Variants in CDH4 observed in about 807,000 individuals in gnomAD.
The protein encoded by CDH4 is cadherin-4.
In CDH4, 33 loss-of-function variants were observed where a neutral mutation model predicts 86.0. The observed-to-expected ratio is 0.38, with a 90% CI of 0.29 to 0.51. The LOEUF (loss-of-function observed/expected upper bound fraction) is 0.51. CDH4 is among the 20% of genes least tolerant of loss of function. CDH4 has a pLI of 0.86. For missense variants in CDH4, 1,114 were observed against 1,307.4 expected, an observed-to-expected ratio of 0.85 and a Z score of 2.28; for synonymous variants, 555 against 549.4, an observed-to-expected ratio of 1.01 and a Z score of -0.14.
chr20:61,730,484 T>C (rs909796421), intron 2 of CDH4, among the ~76,000 whole-genome samples: 2 of 152,204 alleles, frequency 1.3e-5, no homozygotes, highest in African/African-American at 4.8e-5. Flanking sequence ...GCCTGATAGC[T>C]CATTGGATAT....
intron 8 of CDH4, among the ~76,000 whole-genome samples, chr20:61,895,796 A>G (rs11905227): frequency 0.015 from 2,347 of 152,276 alleles, 66 homozygotes; most frequent in African/African-American, 0.053. Flanking sequence ...CTTACCAACC[A>G]GGACCCTTTG....
intron 6 of CDH4, among the ~76,000 whole-genome samples, chr20:61,859,944 C>T (rs373074039): frequency 9.5e-4 from 144 of 152,378 alleles, no homozygotes; most frequent in African/African-American, 3.3e-3. Context: ...ATGCTGTCCA[C>T]GGCACTGCCG....
At chr20:61,713,149 C>T (rs2145901173) in intron 2 of CDH4, among the ~76,000 whole-genome samples, 1 of 152,190 alleles carries the variant, frequency 6.6e-6, no homozygotes, top group East Asian at 1.9e-4. Context: ...GCAAAATATG[C>T]AAAAATAAGT....
intron 4 of CDH4, among the ~76,000 whole-genome samples, chr20:61,777,574 T>C (rs973001293): frequency 2.6e-5 from 4 of 152,260 alleles, no homozygotes; most frequent in African/African-American, 9.6e-5. Flanking sequence ...CAAGTCATTA[T>C]GTAAGAACTC....
intron 2 of CDH4, among the ~76,000 whole-genome samples, chr20:61,412,752 C>T (rs2085125875): frequency 6.6e-6 from 1 of 152,170 alleles, no homozygotes; most frequent in Non-Finnish European, 1.5e-5. Context: ...TCTCTCCGGC[C>T]TCATGGACAT....
intron 2 of CDH4, among the ~76,000 whole-genome samples, chr20:61,693,509 G>T (rs115397763): frequency 7.7e-4 from 117 of 152,370 alleles, no homozygotes; most frequent in African/African-American, 2.7e-3. Flanking sequence ...CACTGGTCAT[G>T]CTTGGCCTCT....
Position 61,939,676 on chromosome 20 carries a change from G to A in CDH4, c.*2733G>A, listed in dbSNP as rs1016893997. On this transcript the variant is annotated 3_prime_UTR_variant, in exon 16 of 16. Transcript: ENST00000614565. Reference sequence around the variant, plus strand: ...GCCTATAATCAGGGGACTCCCACTGGAGGCCGGGAGGCCAATGCTGGCCAG... The same window carrying A: ...GCCTATAATCAGGGGACTCCCACTGAAGGCCGGGAGGCCAATGCTGGCCAG... 3 of 152,270 alleles carry A rather than the reference G, an allele frequency of 2.0e-5. No homozygotes were observed. Among genetic ancestry groups the A allele is most frequent in the African/African-American group, 7.2e-5 (3 of 41,460 alleles). 9.4% of individuals were successfully genotyped at this position (152,270 alleles called of 1,614,324 possible).
rs1374695332 is a variant in CDH4, at chr20:61,936,409, C to A, written c.2545-328C>A. Among the ~76,000 whole-genome samples, 2 of 11,184 alleles carry A rather than the reference C, an allele frequency of 1.8e-4. 1 individual carries two copies. Among genetic ancestry groups the A allele is most frequent in the Non-Finnish European group, 3.8e-4 (2 of 5,270 alleles). 7.3% of individuals were successfully genotyped at this position (11,184 alleles called of 152,430 possible). A position where few individuals can be genotyped will look rare whatever the true frequency, so the allele number is the denominator to read the frequency against. ...CCCCCTCCCCCACACCCCCTCCCCC[C>A]TCTCCCACACCCCCCCCCCCATCTG... On this transcript the variant is annotated intron_variant, in intron 15 of 15. Coordinates refer to ENST00000614565, the MANE Select transcript of CDH4 (RefSeq NM_001794.5).
At chr20:61,433,873 T>C (rs1600679796) in intron 2 of CDH4, among the ~76,000 whole-genome samples, 3 of 152,174 alleles carry the variant, frequency 2.0e-5, no homozygotes, top group Admixed American at 1.3e-4. Flanking sequence ...GCTGAAAGGA[T>C]TAAATAAGAT....
intron 2 of CDH4, among the ~76,000 whole-genome samples, chr20:61,442,913 T>C (rs8122650): frequency 0.063 from 9,522 of 152,266 alleles, 993 homozygotes; most frequent in African/African-American, 0.22. Flanking sequence ...GCCTTGTGCA[T>C]TGAAGGTTGT....
chr20:61,914,993 G>T (rs2054889349), intron 9 of CDH4, among the ~76,000 whole-genome samples: 1 of 152,174 alleles, frequency 6.6e-6, no homozygotes, highest in African/African-American at 2.4e-5. Flanking sequence ...CCTCAGGCCA[G>T]GCCCCAATGT....
At chr20:61,671,734 A>G (rs990444751) in intron 2 of CDH4, among the ~76,000 whole-genome samples, 3 of 148,600 alleles carry the variant, frequency 2.0e-5, no homozygotes, top group Admixed American at 2.0e-4. Flanking sequence ...GGATGGGTGG[A>G]TGGATGATGA....
At chr20:61,515,492 G>T (rs1282923825) in intron 2 of CDH4, among the ~76,000 whole-genome samples, 1 of 152,222 alleles carries the variant, frequency 6.6e-6, no homozygotes, top group Non-Finnish European at 1.5e-5. Flanking sequence ...ATGGTGTGGG[G>T]CTTTTCTCTT....
chr20:61,555,500 C>T (rs184528540), intron 2 of CDH4, among the ~76,000 whole-genome samples: 107 of 152,306 alleles, frequency 7.0e-4, no homozygotes, highest in African/African-American at 2.4e-3. Context: ...CCCTCACTCT[C>T]CAGCCCGGTC....
At chr20:61,716,330 G>A (rs779614826) in intron 2 of CDH4, among the ~76,000 whole-genome samples, 1 of 151,674 alleles carries the variant, frequency 6.6e-6, no homozygotes, top group Non-Finnish European at 1.5e-5. Flanking sequence ...GCTGCCTCTT[G>A]GCTGGACCTG....
intron 6 of CDH4, among the ~76,000 whole-genome samples, chr20:61,853,633 C>T (rs1178462020): frequency 1.3e-5 from 2 of 152,176 alleles, no homozygotes; most frequent in Non-Finnish European, 1.5e-5. Flanking sequence ...AGGCTCAGGC[C>T]GGGGAGGTGA....
At chr20:61,796,202 A>G (rs1228323071) in intron 4 of CDH4, among the ~76,000 whole-genome samples, 2 of 152,044 alleles carry the variant, frequency 1.3e-5, no homozygotes, top group African/African-American at 4.8e-5. Flanking sequence ...TTTTACTCCT[A>G]TCGTTTTACT....
chr20:61,723,916 G>T (rs1343564369), intron 2 of CDH4, among the ~76,000 whole-genome samples: 2 of 148,044 alleles, frequency 1.4e-5, no homozygotes, highest in Non-Finnish European at 3.0e-5. Flanking sequence ...CAGGATGGAG[G>T]CTCCATGTGG....
At chr20:61,363,463 A>G in intron 2 of CDH4, among the ~76,000 whole-genome samples, 1 of 150,632 alleles carries the variant, frequency 6.6e-6, no homozygotes, top group East Asian at 1.9e-4. Flanking sequence ...ACACACACCT[A>G]TGACAAATGT....
Sources: allele counts gnomAD v4.1 joint callset (sites outside exome capture counted in the v4.1 genomes callset), GRCh38; gene constraint gnomAD v4.1.1; transcripts MANE v1.5; gene names NCBI Gene and HGNC (gene_info 2026-07-23, HGNC 2026-07-21).